Variants in LUZP2 observed in about 807,000 individuals in gnomAD.
LUZP2 encodes the protein leucine zipper protein 2.
Under a neutral mutation model 51.6 loss-of-function variants are expected in LUZP2, and 52 were observed. The observed-to-expected ratio is 1.01, with a 90% CI of 0.81 to 1.27. The LOEUF is 1.27. LUZP2 is among the 50% of genes most tolerant of loss of function. The pLI is 0.00. For synonymous variants in LUZP2, 154 were observed against 137.3 expected, an observed-to-expected ratio of 1.12 and a Z score of -0.85; for missense variants, 436 against 395.4, an observed-to-expected ratio of 1.10 and a Z score of -0.87.
intron 1 of LUZP2, among the ~76,000 whole-genome samples, chr11:24,658,199 C>A (rs1190226625): frequency 2.0e-5 from 3 of 152,064 alleles, no homozygotes; most frequent in Non-Finnish European, 2.9e-5. Context: ...AGTAACCAAA[C>A]CAGCATGGTA....
intron 8 of LUZP2, among the ~76,000 whole-genome samples, chr11:24,982,451 T>C (rs1590801474): frequency 6.6e-6 from 1 of 151,792 alleles, no homozygotes; most frequent in Non-Finnish European, 1.5e-5. Flanking sequence ...AGATCATGTC[T>C]TTTGCAGGAA....
chr11:25,040,343 A>ATTTTTTTTTTTTTTTTTTTTT lies in LUZP2; in HGVS notation c.766-9675_766-9674insTTTTTTTTTTTTTTTTTTTTT, dbSNP rs57668112. ...AGAGAGCCACTTTTCTTTCTTTCCG[A>ATTTTTTTTTTTTTTTTTTTTT]TTTTTTTTTTTTTTTTTTTTGCCAA... is the stretch of plus-strand genomic sequence containing the variant. On this transcript the variant is annotated intron_variant, in intron 9 of 11. Coordinates refer to ENST00000336930, the MANE Select transcript of LUZP2 (RefSeq NM_001009909.4). 1.7e-4 allele frequency among the ~76,000 whole-genome samples: 17 copies of ATTTTTTTTTTTTTTTTTTTTT among 98,818 alleles called. 3 individuals are homozygous for ATTTTTTTTTTTTTTTTTTTTT. The highest frequency in any genetic ancestry group is 4.7e-4 in the African/African-American group (8 of 17,192). 64.8% of individuals were successfully genotyped at this position (98,818 alleles called of 152,430 possible).
chr11:24,983,073 A>G, intron 8 of LUZP2, 53 bp from the exon 9 acceptor site: 1 of 1,561,686 alleles, frequency 6.4e-7, no homozygotes, highest in South Asian at 1.2e-5. Flanking sequence ...ATGCAAGCAG[A>G]TAATTGATGA....
At chr11:24,748,299 T>C (rs1859451469) in intron 4 of LUZP2, among the ~76,000 whole-genome samples, 1 of 152,134 alleles carries the variant, frequency 6.6e-6, no homozygotes, top group Non-Finnish European at 1.5e-5. Flanking sequence ...AAACCTTTCC[T>C]GCAAACTGCT....
intron 7 of LUZP2, among the ~76,000 whole-genome samples, chr11:24,940,324 A>T (rs1263017837): frequency 6.6e-6 from 1 of 152,164 alleles, no homozygotes; most frequent in Middle Eastern, 3.2e-3. Context: ...AAGGAAAAAA[A>T]ATAGGAGCAC....
intron 5 of LUZP2, among the ~76,000 whole-genome samples, chr11:24,835,017 G>T (rs1850818847): frequency 6.6e-6 from 1 of 151,900 alleles, no homozygotes; most frequent in African/African-American, 2.4e-5. Flanking sequence ...TGGTCAGATT[G>T]CAAAAGTTTT....
chr11:24,716,037 G>A (rs10834448), intron 1 of LUZP2, among the ~76,000 whole-genome samples: 50,520 of 151,842 alleles, frequency 0.33, 9,059 homozygotes, highest in Non-Finnish European at 0.4. Context: ...ATAATTATGA[G>A]AATTAAATGA....
intron 9 of LUZP2, among the ~76,000 whole-genome samples, chr11:25,044,691 C>G (rs555367367): frequency 6.9e-6 from 1 of 145,436 alleles, no homozygotes; most frequent in Non-Finnish European, 1.5e-5. Context: ...AGCATTTGAC[C>G]CAGCCATCCC....
chr11:25,057,511 A>G (rs1858723573), intron 10 of LUZP2, among the ~76,000 whole-genome samples: 1 of 152,208 alleles, frequency 6.6e-6, no homozygotes, highest in East Asian at 1.9e-4. Flanking sequence ...GAGAAAGCAA[A>G]GGATGTGTCT....
chr11:24,537,803 A>G (rs1208186221), intron 1 of LUZP2, among the ~76,000 whole-genome samples: 3 of 151,998 alleles, frequency 2.0e-5, no homozygotes, highest in East Asian at 3.9e-4. Flanking sequence ...GATATTTGCT[A>G]TGACAAAAAC....
At chr11:24,542,452 A>T (rs968525353) in intron 1 of LUZP2, among the ~76,000 whole-genome samples, 1 of 151,842 alleles carries the variant, frequency 6.6e-6, no homozygotes, top group African/African-American at 2.4e-5. Flanking sequence ...CAGGATTCTT[A>T]TTTTTTTATG....
intron 1 of LUZP2, among the ~76,000 whole-genome samples, chr11:24,616,482 T>C (rs1854294840): frequency 1.3e-5 from 2 of 151,854 alleles, no homozygotes; most frequent in South Asian, 2.1e-4. Flanking sequence ...CGCATGTGTG[T>C]GTGTGTGTGT....
At chr11:24,721,456 T>A (rs1009425146) in intron 1 of LUZP2, among the ~76,000 whole-genome samples, 1 of 152,232 alleles carries the variant, frequency 6.6e-6, no homozygotes, top group Non-Finnish European at 1.5e-5. Flanking sequence ...ATGTTTATAG[T>A]ATCAATTCTG....
At chr11:25,059,265 C>A (rs1009774712) in intron 10 of LUZP2, among the ~76,000 whole-genome samples, 3 of 152,212 alleles carry the variant, frequency 2.0e-5, no homozygotes, top group Non-Finnish European at 4.4e-5. Flanking sequence ...TTGGCAAGAT[C>A]AGCGATACAA....
At chr11:24,713,704 T>A (rs936187872) in intron 1 of LUZP2, among the ~76,000 whole-genome samples, 1 of 148,202 alleles carries the variant, frequency 6.7e-6, no homozygotes, top group Admixed American at 6.7e-5. Context: ...TTTTTTTTTT[T>A]CTGAGATGGA....
chr11:24,739,638 G>C (rs1859062880), intron 4 of LUZP2, among the ~76,000 whole-genome samples: 1 of 152,042 alleles, frequency 6.6e-6, no homozygotes, highest in East Asian at 1.9e-4. Context: ...TGGAATCCTA[G>C]GCTCTCTAAA....
rs151156013 is a variant in LUZP2 at position 24,649,763 on chromosome 11, C to T, written c.63-79406C>T. Among the ~76,000 whole-genome samples the T allele has an allele frequency of 2.9e-4, 44 of 151,930 alleles. No individual in the cohort carries two copies. The East Asian group carries it at 6.6e-3, about 23-fold the overall frequency. On this transcript the variant is annotated intron_variant, in intron 1 of 11. Coordinates refer to ENST00000336930, the MANE Select transcript of LUZP2 (RefSeq NM_001009909.4). ...ACCATTTCTATCAGAGGCAAAAGGC[C>T]GTCCTCACATATAATCTCAAGTTGC...
At chr11:24,941,045 A>T (rs1442013374) in intron 7 of LUZP2, among the ~76,000 whole-genome samples, 1 of 152,134 alleles carries the variant, frequency 6.6e-6, no homozygotes, top group Non-Finnish European at 1.5e-5. Flanking sequence ...TGGAAATAGG[A>T]TTGAGATTTA....
chr11:24,767,195 G>T (rs1258040949), intron 5 of LUZP2, among the ~76,000 whole-genome samples: 5 of 152,096 alleles, frequency 3.3e-5, no homozygotes, highest in Non-Finnish European at 4.4e-5. Flanking sequence ...TAGAATATAA[G>T]ATTTCCTATA....
Sources: gnomAD v4.1 joint callset for allele counts (sites outside exome capture counted in the v4.1 genomes callset) on GRCh38, gnomAD v4.1.1 for gene constraint, MANE v1.5 for transcripts, NCBI Gene and HGNC (gene_info 2026-07-23, HGNC 2026-07-21) for gene names.